SLC52A3: variants seen among roughly 807,000 people sequenced by gnomAD.
The protein encoded by SLC52A3 is solute carrier family 52 member 3.
Under a neutral mutation model 29.5 loss-of-function variants are expected in SLC52A3, and 20 were observed. The observed-to-expected ratio is 0.68, with a 90% CI of 0.48 to 0.99. The LOEUF (loss-of-function observed/expected upper bound fraction) is 0.99. Ranked by LOEUF, SLC52A3 falls within the 50% of genes least tolerant of loss-of-function variation. SLC52A3 has a pLI of 0.00. For missense variants in SLC52A3, 548 were observed against 612.9 expected (o/e 0.89, Z 1.12); for synonymous variants, 301 against 271.0 (o/e 1.11, Z -1.09).
chr20:763,474 C>G (rs563707770), intron 3 of SLC52A3, 24 bp downstream of exon 3: 11 of 1,613,520 alleles, frequency 6.8e-6, no homozygotes, highest in South Asian at 6.6e-5. Flanking sequence ...CACTAGGATT[C>G]CCTAGGACCA....
Position 761,250 on chromosome 20 carries a change from G to A in SLC52A3, c.1198-12C>T. 2 of 1,543,688 alleles carry A rather than the reference G, an allele frequency of 1.3e-6. No individual in the cohort carries two copies. Among genetic ancestry groups the A allele is most frequent in the Non-Finnish European group, 1.7e-6 (2 of 1,144,124 alleles). On this transcript the variant is annotated splice_polypyrimidine_tract_variant and intron_variant, in intron 4 of 4. Coordinates refer to ENST00000645534, the MANE Select transcript of SLC52A3 (RefSeq NM_033409.4). ...ACCCACGAGGCCACCTGCGGGGCCG[G>A]GAGGGAAGAGGTGCAGAGTCACGGG... is the stretch of plus-strand genomic sequence containing the variant.
chr20:760,595 C>T lies in SLC52A3; in HGVS notation c.*431G>A. On this transcript the variant is annotated 3_prime_UTR_variant, in exon 5 of 5. Transcript: ENST00000645534. This position sits in a 1 kb window ranked among gnomAD's most constrained non-coding sequence, Gnocchi z 4.9. ...GATGCGGGCTGCTTTTTCCTTTTGC[C>T]TCCGTGCCATGCCTGTGAGGTAGTT... 5.3e-6 allele frequency: 1 copy of T among 187,124 alleles called. No individual in the cohort carries two copies. Among genetic ancestry groups the T allele is most frequent in the Middle Eastern group, 2.5e-3 (1 of 402 alleles). 11.6% of individuals were successfully genotyped at this position (187,124 alleles called of 1,614,324 possible).
Position 760,919 on chromosome 20 carries a change from T to G in SLC52A3, c.*107A>C. On this transcript the variant is annotated 3_prime_UTR_variant, in exon 5 of 5. Coordinates refer to ENST00000645534, the MANE Select transcript of SLC52A3 (RefSeq NM_033409.4). This position sits in a 1 kb window ranked among gnomAD's most constrained non-coding sequence, Gnocchi z 4.9. The stretch of plus-strand genomic sequence containing the variant: ...CCCAGTGGGCACTTGCGTTCATGAT[T>G]CAATTACTCAGGCTCTGTCTCTCTG... 8.5e-7 allele frequency: 1 copy of G among 1,173,056 alleles called. No individual in the cohort carries two copies. The highest frequency in any genetic ancestry group is 1.2e-6 in the Non-Finnish European group (1 of 823,212). The allele number at this position is 1,173,056 out of a possible 1,614,324, so 72.7% of individuals were successfully genotyped here. A position where few individuals can be genotyped will look rare whatever the true frequency, so the allele number is the denominator to read the frequency against.
upstream of SLC52A3, among the ~76,000 whole-genome samples, chr20:770,685 C>T (rs1170842471): frequency 2.6e-5 from 4 of 152,150 alleles, no homozygotes; most frequent in African/African-American, 7.2e-5. The surrounding 1 kb of genome is among the most constrained non-coding windows in gnomAD (Gnocchi z 4.5). Context: ...GGAAATACCA[C>T]GACTAAAACC....
chr20:763,783 T>C lies in SLC52A3; in HGVS notation c.788A>G (p.His263Arg), dbSNP rs1185559748. 3.1e-6 allele frequency: 5 copies of C among 1,613,488 alleles called. No individual in the cohort carries two copies. The highest frequency in any genetic ancestry group is 1.3e-5 in the African/African-American group (1 of 74,726). Residue 263 changes from histidine to arginine, a missense_variant, in exon 3 of 5, where the codon CAC becomes CGC. Transcript: ENST00000645534. ...EDLLNDQVTL[H>R]SIRPREENDL... ...ATTCTCTTCCCGCGGCCGGATGGAG[T>C]GGAGGGTGACCTGGTCATTGAGGAG...
At position 763,427 on chromosome 20, in the gene SLC52A3, C is replaced by T. The variant is rs950331619; in HGVS notation, c.1073+71G>A. 13 of 1,596,422 alleles carry T rather than the reference C, an allele frequency of 8.1e-6. No homozygotes were observed. The East Asian group carries it at 2.0e-4, about 25-fold the overall frequency. On this transcript the variant is annotated intron_variant, in intron 3 of 4. Coordinates refer to ENST00000645534, the MANE Select transcript of SLC52A3 (RefSeq NM_033409.4). ...CACTACATGTACAGCCCAGTAGGTG[C>T]GTTTGGAATTCTGGGTTCTGAAATG...
In SLC52A3 at chr20:765,361, G is replaced by A. The variant is rs749661470; in HGVS notation, c.414C>T (p.Leu138=). ...GTCCTTCACCCACAAAGAAGGTGGT[G>A]AGGTAGTAGGTGGGCAGCCGGCTCA... ...PFMSRLPTYY[L]TTFFVGEGLS... The change falls in exon 2 of 5, where the codon CTC becomes CTT. Residue 138 remains leucine (L), a synonymous_variant. Transcript: ENST00000645534. This position sits in a 1 kb window ranked among gnomAD's most constrained non-coding sequence, Gnocchi z 6.6. 3.1e-6 allele frequency: 5 copies of A among 1,614,160 alleles called. No homozygotes were observed. Among genetic ancestry groups the A allele is most frequent in the Non-Finnish European group, 4.2e-6 (5 of 1,180,028 alleles).
At chr20:766,454 G>A (rs1301777252) in intron 1 of SLC52A3, 2 of 152,688 alleles carry the variant, frequency 1.3e-5, no homozygotes, top group Admixed American at 1.3e-4. Flanking sequence ...CCAAGCCTGC[G>A]CGTGTACATC....
At chr20:763,018 G>T (rs1986542167) in intron 3 of SLC52A3, among the ~76,000 whole-genome samples, 1 of 152,220 alleles carries the variant, frequency 6.6e-6, no homozygotes, top group Non-Finnish European at 1.5e-5. Context: ...TAGAACTGTG[G>T]CTCTAAGGGA....
chr20:763,562 C>A lies in SLC52A3; in HGVS notation c.1009G>T (p.Ala337Ser), dbSNP rs139542858. 3.7e-6 allele frequency: 6 copies of A among 1,613,990 alleles called. No individual in the cohort carries two copies. In the African/African-American group the frequency reaches 6.7e-5, roughly 18 times the overall value. The stretch of plus-strand genomic sequence containing the variant: ...TTGGCCACAATGCTGAGGGTGGCAG[C>A]CAGGTGGTAGGCAACTGGCCCATAG... ...LSYGPVAYHLAATLSIVANPL... is the reference protein window; with the variant it reads ...LSYGPVAYHLSATLSIVANPL... Residue 337 changes from alanine (A) to serine (S), a missense_variant, in exon 3 of 5, where the codon GCT (alanine) becomes TCT (serine). Coordinates refer to ENST00000645534, the MANE Select transcript of SLC52A3 (RefSeq NM_033409.4).
At chr20:777,489 C>T (rs12625618), upstream of SLC52A3, among the ~76,000 whole-genome samples, 13,108 of 152,208 alleles carry the variant, frequency 0.086, 916 homozygotes, top group East Asian at 0.43. Context: ...CACAGTGCTA[C>T]GGCCTGTAAG....
At chr20:777,276 A>AC (rs200594596), upstream of SLC52A3, among the ~76,000 whole-genome samples, 11,552 of 150,354 alleles carry the variant, frequency 0.077, 599 homozygotes, top group South Asian at 0.17. Context: ...AAAAAACAAA[A>AC]AAAAAACACC....
At chr20:770,611 A>G (rs1018587697), upstream of SLC52A3, among the ~76,000 whole-genome samples, 2 of 152,268 alleles carry the variant, frequency 1.3e-5, no homozygotes, top group African/African-American at 4.8e-5. This position sits in a 1 kb window ranked among gnomAD's most constrained non-coding sequence, Gnocchi z 4.5. Flanking sequence ...CAATGTTAAC[A>G]TCACACATAG....
intron 1 of SLC52A3, among the ~76,000 whole-genome samples, 185 bp downstream of exon 1, chr20:768,112 T>C (rs756958726): frequency 3.9e-5 from 6 of 152,294 alleles, no homozygotes; most frequent in South Asian, 2.1e-4. Flanking sequence ...AGGATGCTGG[T>C]GAGTTTATGC....
At position 765,944 on chromosome 20, in the gene SLC52A3, T is replaced by A. The variant is rs978786433; in HGVS notation, c.-51-119A>T. 1.4e-5 allele frequency: 9 copies of A among 655,350 alleles called. No individual in the cohort carries two copies. The African/African-American group carries it at 1.5e-4, about 11-fold the overall frequency. The allele number at this position is 655,350 out of a possible 1,614,324, so 40.6% of individuals were successfully genotyped here. A position where few individuals can be genotyped will look rare whatever the true frequency, so the allele number is the denominator to read the frequency against. On this transcript the variant is annotated intron_variant, in intron 1 of 4. Coordinates refer to ENST00000645534, the MANE Select transcript of SLC52A3 (RefSeq NM_033409.4). The surrounding 1 kb of genome is among the most constrained non-coding windows in gnomAD (Gnocchi z 6.6). ...TTCCTGTGAACAAGCTGGCTTTTTT[T>A]TTTTTCCTTTGAGACATAGTTTCAC...
Position 761,392 on chromosome 20 carries a change from C to T in SLC52A3, c.1198-154G>A, listed in dbSNP as rs1035893431. ...GTGAGCCTGCGGGGCCGACGGGTCCCATGAGTTGGCCGCCCGGGGGCGAAG... is the reference window on the plus strand; with the variant it reads ...GTGAGCCTGCGGGGCCGACGGGTCCTATGAGTTGGCCGCCCGGGGGCGAAG... On this transcript the variant is annotated intron_variant, in intron 4 of 4. Coordinates refer to ENST00000645534, the MANE Select transcript of SLC52A3 (RefSeq NM_033409.4). 90 of 913,330 alleles carry T rather than the reference C, an allele frequency of 9.9e-5. 1 individual carries two copies. The South Asian group carries it at 1.5e-3, about 15-fold the overall frequency. 56.6% of individuals were successfully genotyped at this position (913,330 alleles called of 1,614,324 possible).
Position 765,261 on chromosome 20 carries a change from T to G in SLC52A3, c.514A>C (p.Ile172Leu), listed in dbSNP as rs201479216. ...GLTTCVNVTE[I>L]SDSVPSPVPT... is the part of the protein sequence containing the mutation. ...ACAGGGCTTGGTACGCTGTCTGATA[T>G]CTCAGTGACATTGACGCAGGTAGTG... Residue 172 changes from isoleucine (I) to leucine (L), a missense_variant, in exon 2 of 5, where the codon ATA becomes CTA. This residue lies in a region of SLC52A3 where 375 missense variants were observed against 471.1 expected (regional missense o/e 0.80). Coordinates refer to ENST00000645534, the MANE Select transcript of SLC52A3 (RefSeq NM_033409.4). The surrounding 1 kb of genome is among the most constrained non-coding windows in gnomAD (Gnocchi z 6.6). 6.2e-7 allele frequency: 1 copy of G among 1,614,076 alleles called. No individual in the cohort carries two copies. The highest frequency in any genetic ancestry group is 1.7e-5 in the Admixed American group (1 of 60,010).
At chr20:761,483 C>T (rs1986477511) in intron 4 of SLC52A3, 2 of 739,976 alleles carry the variant, frequency 2.7e-6, no homozygotes, top group Non-Finnish European at 4.4e-6. Flanking sequence ...GAGAGAAGGC[C>T]CCTGCTGAGG....
At chr20:769,802 CCGGAGAACGG>C (rs1341182382), upstream of SLC52A3, among the ~76,000 whole-genome samples, 1 of 152,060 alleles carries the variant, frequency 6.6e-6, no homozygotes, top group East Asian at 1.9e-4. Context: ...GAGGCTGAGG[CCGGAGAACGG>C]CTCCAACCTG....
Sources: allele counts gnomAD v4.1 joint callset (sites outside exome capture counted in the v4.1 genomes callset), GRCh38; gene constraint gnomAD v4.1.1; regional missense constraint gnomAD v4.1.1; non-coding constraint Gnocchi (gnomAD v3.1); transcripts MANE v1.5; gene names NCBI Gene and HGNC (gene_info 2026-07-23, HGNC 2026-07-21).